The following MEIS1 variants were observed in gnomAD, a reference collection of about 807,000 sequenced individuals.
MEIS1 encodes homeobox protein Meis1.
A neutral mutation model predicts 50.8 loss-of-function variants in MEIS1; 5 were observed. That is an observed-to-expected ratio of 0.10 (90% CI 0.05 to 0.21). The LOEUF (loss-of-function observed/expected upper bound fraction) is 0.21. Among genes scored for constraint, MEIS1 ranks in the 10% least tolerant of loss-of-function variants. MEIS1 has a pLI of 1.00. For missense variants in MEIS1, 318 were observed against 517.3 expected, an observed-to-expected ratio of 0.61 and a Z score of 3.74; for synonymous variants, 176 against 179.3, an observed-to-expected ratio of 0.98 and a Z score of 0.15.
At chr2:66,568,410 GT>G (rs1342745730) in intron 10 of MEIS1, 2 of 378,690 alleles carry the variant, frequency 5.3e-6, no homozygotes, top group Non-Finnish European at 4.9e-6. Context: ...CACCCATTAT[GT>G]GGTCACCAGA....
At chr2:66,468,773 G>T (rs1672699799) in intron 7 of MEIS1, among the ~76,000 whole-genome samples, 1 of 152,230 alleles carries the variant, frequency 6.6e-6, no homozygotes, top group African/African-American at 2.4e-5. Flanking sequence ...ACCTAGCTGT[G>T]AATAAGATAG....
chr2:66,439,614 C>T, intron 2 of MEIS1: 1 of 1,537,192 alleles, frequency 6.5e-7, no homozygotes, highest in Non-Finnish European at 8.7e-7. Flanking sequence ...TAAACCGATC[C>T]TCAGATACCG....
At chr2:66,532,756 T>TA (rs1006562982) in intron 8 of MEIS1, among the ~76,000 whole-genome samples, 2 of 152,232 alleles carry the variant, frequency 1.3e-5, no homozygotes, top group African/African-American at 4.8e-5. Flanking sequence ...TTTGCATTTT[T>TA]AAAAATTGGT....
At chr2:66,555,785 A>G (rs1348209177) in intron 9 of MEIS1, among the ~76,000 whole-genome samples, 1 of 152,186 alleles carries the variant, frequency 6.6e-6, no homozygotes, top group African/African-American at 2.4e-5. Context: ...TGCCTACAGA[A>G]AACAAACAGC....
intron 5 of MEIS1, among the ~76,000 whole-genome samples, chr2:66,442,187 T>G (rs968191071): frequency 2.0e-5 from 3 of 152,052 alleles, no homozygotes; most frequent in South Asian, 2.1e-4. Context: ...CTTGTGAATT[T>G]TTGCATGTCA....
At chr2:66,548,622 C>T (rs1488227106) in intron 9 of MEIS1, among the ~76,000 whole-genome samples, 1 of 152,100 alleles carries the variant, frequency 6.6e-6, no homozygotes, top group African/African-American at 2.4e-5. Context: ...GTACCAAGTA[C>T]CAGCCAACAA....
chr2:66,521,325 C>G (rs1674114260), intron 8 of MEIS1, among the ~76,000 whole-genome samples: 1 of 151,782 alleles, frequency 6.6e-6, no homozygotes, highest in Non-Finnish European at 1.5e-5. Flanking sequence ...CAGATCCTAA[C>G]TAAACCTTCT....
At position 66,568,735 on chromosome 2, in the gene MEIS1, C is replaced by T. The variant is rs1343143228; in HGVS notation, c.1093C>T (p.His365Tyr). The T allele has an allele frequency of 6.2e-7, 1 of 1,613,748 alleles. No individual in the cohort carries two copies. Among genetic ancestry groups the T allele is most frequent in the Non-Finnish European group, 8.5e-7 (1 of 1,179,680 alleles). Residue 365 changes from histidine (H) to tyrosine (Y), a missense_variant, in exon 11 of 13, where the codon CAT (histidine) becomes TAT (tyrosine). His to Tyr is a moderately conservative substitution (Grantham distance 83). Coordinates refer to ENST00000272369, the MANE Select transcript of MEIS1 (RefSeq NM_002398.3). ...MGGFVMDGQQHMGIRAPGPMS... is the reference protein window; with the variant it reads ...MGGFVMDGQQYMGIRAPGPMS... Reference sequence around the variant, plus strand: ...AGGTTTCGTAATGGACGGTCAGCAACATATGGGAATTAGAGCACCAGGTAA... The same window carrying T: ...AGGTTTCGTAATGGACGGTCAGCAATATATGGGAATTAGAGCACCAGGTAA...
At chr2:66,442,745 C>T (rs1236311751) in intron 5 of MEIS1, 157 bp from the exon 6 acceptor site, 5 of 632,874 alleles carry the variant, frequency 7.9e-6, no homozygotes, top group South Asian at 7.9e-5. Flanking sequence ...AAAGTTATTC[C>T]TAATTCTGGA....
At chr2:66,466,939 G>GT (rs1311986653) in intron 7 of MEIS1, among the ~76,000 whole-genome samples, 3 of 135,824 alleles carry the variant, frequency 2.2e-5, no homozygotes, top group African/African-American at 9.5e-5. Context: ...GGCACCTGTG[G>GT]TTAAAAAAAA....
intron 2 of MEIS1, chr2:66,439,458 C>T: frequency 5.1e-6 from 7 of 1,367,390 alleles, no homozygotes; most frequent in Admixed American, 3.3e-5. Context: ...AACTCTCCGC[C>T]CGGCGCCTTT....
intron 1 of MEIS1, chr2:66,436,836 C>T (rs1671808299): frequency 2.1e-6 from 2 of 968,366 alleles, no homozygotes; most frequent in South Asian, 4.8e-5. Flanking sequence ...AGCTAAATTT[C>T]ACACACACAA....
chr2:66,506,546 C>G (rs916203387), intron 7 of MEIS1, among the ~76,000 whole-genome samples: 1 of 152,130 alleles, frequency 6.6e-6, no homozygotes, highest in African/African-American at 2.4e-5. Context: ...GAAAGGCCTT[C>G]CACGCCAGGC....
chr2:66,481,850 C>CTTT (rs996753363), intron 7 of MEIS1, among the ~76,000 whole-genome samples: 120 of 90,162 alleles, frequency 1.3e-3, no homozygotes, highest in Non-Finnish European at 1.5e-3. Flanking sequence ...TCTGATATTT[C>CTTT]TTTTTTTTTT....
chr2:66,440,686 T>A, intron 4 of MEIS1, 74 bp downstream of exon 4: 2 of 880,966 alleles, frequency 2.3e-6, no homozygotes, highest in Non-Finnish European at 3.3e-6. Context: ...TCAGCTTTGC[T>A]TTGAGAGCCC....
At chr2:66,529,001 G>C (rs1400762237) in intron 8 of MEIS1, among the ~76,000 whole-genome samples, 1 of 152,072 alleles carries the variant, frequency 6.6e-6, no homozygotes, top group African/African-American at 2.4e-5. Context: ...CACCTTACAT[G>C]CTGTTCCCTC....
At chr2:66,541,963 AG>A (rs1351831501) in intron 8 of MEIS1, among the ~76,000 whole-genome samples, 1 of 152,230 alleles carries the variant, frequency 6.6e-6, no homozygotes, top group Non-Finnish European at 1.5e-5. Flanking sequence ...GAAAGACAAT[AG>A]GGAAGCATTA....
chr2:66,568,958 T>C (rs1675419239), intron 11 of MEIS1, 92 bp from the exon 12 acceptor site: 1 of 1,262,820 alleles, frequency 7.9e-7, no homozygotes, highest in Non-Finnish European at 1.2e-6. Flanking sequence ...CTCAACCCTC[T>C]AGATCCTGTT....
intron 1 of MEIS1, among the ~76,000 whole-genome samples, chr2:66,436,442 C>G (rs953860279): frequency 5.3e-5 from 8 of 152,198 alleles, no homozygotes; most frequent in Non-Finnish European, 1.0e-4. Context: ...ATACTAAGCA[C>G]ACAGTTACTC....
Sources: gnomAD v4.1 joint callset for allele counts (sites outside exome capture counted in the v4.1 genomes callset) on GRCh38, gnomAD v4.1.1 for gene constraint, MANE v1.5 for transcripts, NCBI Gene and HGNC (gene_info 2026-07-23, HGNC 2026-07-21) for gene names.